Variants in RELN observed in about 807,000 individuals in gnomAD.
RELN encodes reelin.
A neutral mutation model predicts 427.6 loss-of-function variants in RELN; 108 were observed. The ratio of observed to expected loss-of-function variants is 0.25; its 90% CI spans 0.22 to 0.30. The LOEUF (loss-of-function observed/expected upper bound fraction) is 0.30. Ranked by LOEUF, RELN falls within the 10% of genes least tolerant of loss-of-function variation. The probability of loss-of-function intolerance (pLI) is 1.00; values close to 1 mark genes in which losing one functional copy is unlikely to be tolerated. For synonymous variants in RELN, 1,524 were observed against 1,513.4 expected, an observed-to-expected ratio of 1.01 and a Z score of -0.16; for missense variants, 3,715 against 4,302.8, an observed-to-expected ratio of 0.86 and a Z score of 3.82.
intron 33 of RELN, among the ~76,000 whole-genome samples, 194 bp from the exon 34 acceptor site, chr7:103,565,745 G>A (rs952196955): frequency 2.0e-5 from 3 of 152,086 alleles, no homozygotes; most frequent in Non-Finnish European, 4.4e-5. Flanking sequence ...ATAGAAGGCT[G>A]CTAATTTGAA....
chr7:103,594,105 C>A (rs111257529), intron 26 of RELN, among the ~76,000 whole-genome samples: 2 of 152,086 alleles, frequency 1.3e-5, no homozygotes, highest in Admixed American at 1.3e-4. Flanking sequence ...AACACACTAA[C>A]GATTTTGCTT....
intron 3 of RELN, among the ~76,000 whole-genome samples, chr7:103,806,074 T>C (rs1348724668): frequency 6.6e-6 from 1 of 152,220 alleles, no homozygotes; most frequent in Non-Finnish European, 1.5e-5. Context: ...GTAAGGAAAA[T>C]ATAGTATGTA....
intron 2 of RELN, among the ~76,000 whole-genome samples, chr7:103,895,247 G>A (rs1285555924): frequency 6.6e-6 from 1 of 151,936 alleles, no homozygotes; most frequent in Non-Finnish European, 1.5e-5. Flanking sequence ...GGCAAATTGT[G>A]TTTGATAATC....
Position 103,814,601 on chromosome 7 carries a change from A to G in RELN, c.473+18936T>C, listed in dbSNP as rs76136678. On this transcript the variant is annotated intron_variant, in intron 3 of 64. Coordinates refer to ENST00000428762, the MANE Select transcript of RELN (RefSeq NM_005045.4). ...AGTGCTATGCCTTGCTGCCTTGGCC[A>G]CATTATTAGTATATGATGGAACAGA... Among the ~76,000 whole-genome samples the G allele has an allele frequency of 3.7e-3, 567 of 152,318 alleles. 18 individuals are homozygous for G. Among genetic ancestry groups the G allele is most frequent in the Admixed American group, 0.033 (504 of 15,306 alleles).
chr7:103,841,432 C>A (rs1300340356), intron 2 of RELN, among the ~76,000 whole-genome samples: 1 of 152,120 alleles, frequency 6.6e-6, no homozygotes, highest in Non-Finnish European at 1.5e-5. Context: ...GAATCAATAG[C>A]AGAGTTTCCT....
At chr7:103,537,859 G>C (rs362742) in intron 45 of RELN, among the ~76,000 whole-genome samples, 90,889 of 151,980 alleles carry the variant, frequency 0.6, 27,732 homozygotes, top group Middle Eastern at 0.74. Context: ...TCTACTTCAA[G>C]CATCAAGGTC....
chr7:103,699,063 A>G (rs531668761), intron 9 of RELN, among the ~76,000 whole-genome samples: 1 of 152,280 alleles, frequency 6.6e-6, no homozygotes, highest in South Asian at 2.1e-4. Flanking sequence ...CTCTACTAGA[A>G]TCCAGATCCT....
chr7:103,774,777 T>C (rs1791696857), intron 4 of RELN, among the ~76,000 whole-genome samples: 1 of 152,208 alleles, frequency 6.6e-6, no homozygotes, highest in Admixed American at 6.5e-5. Context: ...CTTGTTAGCA[T>C]TATTTTTCAC....
At chr7:103,856,672 G>C (rs1793955755) in intron 2 of RELN, among the ~76,000 whole-genome samples, 1 of 151,826 alleles carries the variant, frequency 6.6e-6, no homozygotes, top group Non-Finnish European at 1.5e-5. Context: ...TCGTATATAG[G>C]AGTAAGCATG....
At chr7:103,949,031 A>C (rs1477078354) in intron 1 of RELN, among the ~76,000 whole-genome samples, 1 of 151,020 alleles carries the variant, frequency 6.6e-6, no homozygotes, top group Admixed American at 6.6e-5. Context: ...CCAAAAAAAA[A>C]AAAAAAAAAA....
intron 1 of RELN, among the ~76,000 whole-genome samples, chr7:103,959,740 AG>A (rs1389722438): frequency 6.6e-6 from 1 of 151,964 alleles, no homozygotes; most frequent in Non-Finnish European, 1.5e-5. Context: ...TTTCCCCAGT[AG>A]CTGGGACTAC....
At chr7:103,538,285 C>T (rs867365085) in intron 45 of RELN, among the ~76,000 whole-genome samples, 12 of 152,096 alleles carry the variant, frequency 7.9e-5, no homozygotes, top group East Asian at 3.8e-4. Flanking sequence ...TAAAACTGAA[C>T]GGGGACCTTG....
chr7:103,961,441 C>T (rs1038324449), intron 1 of RELN, among the ~76,000 whole-genome samples: 1 of 149,202 alleles, frequency 6.7e-6, no homozygotes, highest in East Asian at 1.9e-4. Context: ...AACTAATAAA[C>T]AAGAAAACGG....
At chr7:103,630,836 CTGAGT>C (rs1832437710) in intron 19 of RELN, among the ~76,000 whole-genome samples, 1 of 139,396 alleles carries the variant, frequency 7.2e-6, no homozygotes, top group Non-Finnish European at 1.5e-5. Flanking sequence ...ACTGAAAGGG[CTGAGT>C]TATTTTTTTG....
At chr7:103,575,363 T>A (rs1830975211) in intron 29 of RELN, among the ~76,000 whole-genome samples, 185 bp downstream of exon 29, 1 of 152,230 alleles carries the variant, frequency 6.6e-6, no homozygotes, top group Admixed American at 6.5e-5. Flanking sequence ...TGTTTCCTTT[T>A]TGGAGCAGCT....
intron 49 of RELN, among the ~76,000 whole-genome samples, chr7:103,516,178 T>C (rs1399574110): frequency 6.6e-6 from 1 of 152,048 alleles, no homozygotes; most frequent in East Asian, 1.9e-4. Context: ...ATCACAATTA[T>C]ACATGAAAAC....
intron 46 of RELN, among the ~76,000 whole-genome samples, chr7:103,525,425 C>T (rs1291837462): frequency 6.6e-6 from 1 of 152,144 alleles, no homozygotes; most frequent in Non-Finnish European, 1.5e-5. Flanking sequence ...TCATGGACAG[C>T]ACCTAGAGCT....
intron 4 of RELN, among the ~76,000 whole-genome samples, chr7:103,772,334 A>G (rs1473335876): frequency 6.6e-6 from 1 of 152,192 alleles, no homozygotes; most frequent in Non-Finnish European, 1.5e-5. Context: ...GAATGAATGA[A>G]TGAATGAATG....
intron 24 of RELN, among the ~76,000 whole-genome samples, chr7:103,597,458 C>T (rs1367214239): frequency 2.0e-5 from 3 of 152,042 alleles, no homozygotes; most frequent in African/African-American, 7.2e-5. Flanking sequence ...TAAAAATCAG[C>T]CAGGTATGGT....
Sources: gnomAD v4.1 joint callset for allele counts (sites outside exome capture counted in the v4.1 genomes callset) on GRCh38, gnomAD v4.1.1 for gene constraint, MANE v1.5 for transcripts, NCBI Gene and HGNC (gene_info 2026-07-23, HGNC 2026-07-21) for gene names.